MAGEC3: variants seen among roughly 807,000 people sequenced by gnomAD.
The protein encoded by MAGEC3 is MAGE family member C3.
A neutral mutation model predicts 35.3 loss-of-function variants in MAGEC3; 34 were observed. The ratio of observed to expected loss-of-function variants is 0.96; its 90% CI spans 0.73 to 1.28. The LOEUF (loss-of-function observed/expected upper bound fraction) is 1.28, where lower values mean the gene tolerates loss of function less well. MAGEC3 is among the 50% of genes most tolerant of loss of function. The pLI is 0.00. For synonymous variants in MAGEC3, 202 were observed against 185.6 expected (o/e 1.09, Z -0.72); for missense variants, 561 against 483.6 (o/e 1.16, Z -1.50).
chrX:141,865,710 TC>T, intron 2 of MAGEC3, 105 bp downstream of exon 2: 1 of 917,602 alleles, frequency 1.1e-6, no homozygotes, highest in Non-Finnish European at 1.5e-6. Context: ...AAGGCAGGTT[TC>T]CCCAGTTTTG....
At chrX:141,884,941 G>A (rs1023488295) in intron 4 of MAGEC3, among the ~76,000 whole-genome samples, 2 of 111,622 alleles carry the variant, frequency 1.8e-5, no homozygotes, top group Non-Finnish European at 3.8e-5. Context: ...ATTGCCCTGA[G>A]TGAGAGTCTT....
intron 6 of MAGEC3, chrX:141,896,400 C>T: frequency 9.2e-7 from 1 of 1,089,664 alleles, no homozygotes; most frequent in Non-Finnish European, 1.2e-6. Flanking sequence ...GCCAGCTGTG[C>T]CCCGAGGTGC....
intron 1 of MAGEC3, among the ~76,000 whole-genome samples, chrX:141,861,553 C>T (rs2017815085): frequency 9.0e-6 from 1 of 111,398 alleles, no homozygotes; most frequent in Admixed American, 9.6e-5. Flanking sequence ...CTATAGTAAC[C>T]AAAACAGCAT....
chrX:141,896,786 C>T (rs2018100423), intron 6 of MAGEC3, 96 bp from the exon 7 acceptor site: 1 of 1,206,800 alleles, frequency 8.3e-7, no homozygotes, highest in Admixed American at 2.2e-5. Context: ...ACTTCCTCTT[C>T]CTCTTTCCAC....
chrX:141,841,960 A>T (rs1208738822), intron 1 of MAGEC3, among the ~76,000 whole-genome samples: 3 of 111,618 alleles, frequency 2.7e-5, no homozygotes, highest in Non-Finnish European at 1.9e-5. Context: ...AATGATGTGT[A>T]TTGAAAGAAG....
At chrX:141,850,392 A>G (rs1488556597) in intron 1 of MAGEC3, among the ~76,000 whole-genome samples, 1 of 111,422 alleles carries the variant, frequency 9.0e-6, no homozygotes, top group East Asian at 2.8e-4. Flanking sequence ...ATTTTTAAAA[A>G]AAGGTTCACT....
chrX:141,877,570 G>T (rs1050190928), intron 2 of MAGEC3, among the ~76,000 whole-genome samples: 22 of 111,186 alleles, frequency 2.0e-4, no homozygotes, highest in African/African-American at 7.2e-4. Flanking sequence ...TTTCCAACTG[G>T]CCAATCCTCA....
chrX:141,891,714 AATAT>A (rs1290184959), intron 4 of MAGEC3, among the ~76,000 whole-genome samples: 3 of 103,863 alleles, frequency 2.9e-5, no homozygotes, highest in Non-Finnish European at 5.9e-5. Context: ...TGCATATATA[AATAT>A]ATATATTTAT....
chrX:141,852,280 T>G (rs2017755593), intron 1 of MAGEC3, among the ~76,000 whole-genome samples: 1 of 110,755 alleles, frequency 9.0e-6, no homozygotes, highest in African/African-American at 3.3e-5. Context: ...TATATTGAGC[T>G]TGTATTCTGA....
intron 1 of MAGEC3, chrX:141,840,046 G>C: frequency 2.7e-6 from 2 of 742,630 alleles, no homozygotes; most frequent in South Asian, 1.4e-4. Flanking sequence ...TTTTTCTTCT[G>C]GTCAGAATGT....
Position 141,865,585 on chromosome X carries a change from C to G in MAGEC3, c.238C>G (p.Leu80Val). 1.7e-6 allele frequency: 2 copies of G among 1,206,868 alleles called. No homozygotes were observed. The highest frequency in any genetic ancestry group is 1.7e-5 in the African/African-American group (1 of 57,353). ...AGATCAGCGAATGGATAGTCTTGTCCTCTGCCCCACATACTTCAAGGTAAG... is the reference window on the plus strand; with the variant it reads ...AGATCAGCGAATGGATAGTCTTGTCGTCTGCCCCACATACTTCAAGGTAAG... ...TSDQRMDSLV[L>V]CPTYFKLWRT... The change falls in exon 2 of 8, where the codon CTC (leucine) becomes GTC (valine). Residue 80 changes from leucine to valine, a missense_variant. Physicochemically the swap from Leu to Val is conservative, Grantham distance 32. Transcript: ENST00000298296.
At chrX:141,839,419 G>A in intron 1 of MAGEC3, 1 of 734,836 alleles carries the variant, frequency 1.4e-6, no homozygotes, top group Non-Finnish European at 1.6e-6. Flanking sequence ...GGCATAAGAA[G>A]GATTATGGAG....
intron 6 of MAGEC3, among the ~76,000 whole-genome samples, chrX:141,895,875 C>T (rs750987300): frequency 2.2e-4 from 24 of 111,166 alleles, no homozygotes; most frequent in African/African-American, 7.2e-4. Flanking sequence ...AGAGGTCCCA[C>T]GTGCATCAGA....
In MAGEC3 at chrX:141,881,593, C is replaced by G; in HGVS notation, c.706C>G (p.Leu236Val). 2 of 1,211,178 alleles carry G rather than the reference C, an allele frequency of 1.7e-6. No individual in the cohort carries two copies. Among genetic ancestry groups the G allele is most frequent in the Non-Finnish European group, 2.2e-6 (2 of 895,175 alleles). Reference sequence around the variant, plus strand: ...GAAAGCCCGTGAGTTCATAGAGATTCTTTTTGGCATTTCCCTGACAGAAGT... The same window carrying G: ...GAAAGCCCGTGAGTTCATAGAGATTGTTTTTGGCATTTCCCTGACAGAAGT... The part of the protein sequence containing the change: ...FRKAREFIEI[L>V]FGISLTEVDP... The change falls in exon 4 of 8, where the codon CTT becomes GTT. Residue 236 changes from leucine to valine, a missense_variant. Physicochemically the swap from Leu to Val is conservative, Grantham distance 32. Coordinates refer to ENST00000298296, the MANE Select transcript of MAGEC3 (RefSeq NM_138702.1).
intron 1 of MAGEC3, among the ~76,000 whole-genome samples, chrX:141,840,924 G>A (rs367992402): frequency 2.7e-5 from 3 of 110,514 alleles, no homozygotes; most frequent in African/African-American, 9.8e-5. Flanking sequence ...TTCAACATCT[G>A]CCTTTCTACT....
chrX:141,897,206 T>A lies in MAGEC3; in HGVS notation c.1448T>A (p.Leu483Gln). 8.2e-7 allele frequency: 1 copy of A among 1,212,187 alleles called. No homozygotes were observed. The highest frequency in any genetic ancestry group is 1.1e-6 in the Non-Finnish European group (1 of 895,586). Reference protein sequence around the residue: ...TKEPVTKAEMLTTVIKKYKDY... With the variant: ...TKEPVTKAEMQTTVIKKYKDY... ...GAGCCTGTCACAAAGGCAGAGATGC[T>A]GACGACTGTCATCAAGAAGTATAAG... is the stretch of plus-strand genomic sequence containing the variant. The change falls in exon 7 of 8, where the codon CTG (leucine) becomes CAG (glutamine). Residue 483 changes from leucine (L) to glutamine (Q), a missense_variant. Transcript: ENST00000298296.
At chrX:141,845,474 A>G (rs1459855645) in intron 1 of MAGEC3, among the ~76,000 whole-genome samples, 1 of 111,212 alleles carries the variant, frequency 9.0e-6, no homozygotes, top group African/African-American at 3.2e-5. Context: ...TCATCATTTC[A>G]GCTCCAGTCG....
At chrX:141,851,504 G>T (rs773939331) in intron 1 of MAGEC3, among the ~76,000 whole-genome samples, 1 of 110,263 alleles carries the variant, frequency 9.1e-6, no homozygotes, top group African/African-American at 3.3e-5. Flanking sequence ...GATTTTATTT[G>T]TATATCATAA....
chrX:141,897,084 G>C lies in MAGEC3; in HGVS notation c.1326G>C (p.Trp442Cys). ...SSSEEEDTAT[W>C]HALPESESLP... The stretch of plus-strand genomic sequence containing the variant: ...GTGAAGAGGAGGATACAGCTACTTG[G>C]CATGCCTTGCCAGAAAGTGAATCCT... Residue 442 changes from tryptophan (W) to cysteine (C), a missense_variant, in exon 7 of 8, where the codon TGG becomes TGC. Coordinates refer to ENST00000298296, the MANE Select transcript of MAGEC3 (RefSeq NM_138702.1). 1.7e-6 allele frequency: 2 copies of C among 1,211,609 alleles called. No individual in the cohort carries two copies. The highest frequency in any genetic ancestry group is 2.2e-6 in the Non-Finnish European group (2 of 895,432).
Sources: allele counts gnomAD v4.1 joint callset (sites outside exome capture counted in the v4.1 genomes callset), GRCh38; gene constraint gnomAD v4.1.1; transcripts MANE v1.5; gene names NCBI Gene and HGNC (gene_info 2026-07-23, HGNC 2026-07-21).